GSR: variants seen among roughly 807,000 people sequenced by gnomAD.
GSR encodes glutathione reductase, mitochondrial.
GSR carries 48 observed loss-of-function variants against 56.5 expected under a neutral mutation model. The observed-to-expected ratio is 0.85, with a 90% CI of 0.67 to 1.08. The LOEUF (loss-of-function observed/expected upper bound fraction) is 1.08, where lower values mean the gene tolerates loss of function less well. Ranked by LOEUF, GSR falls within the 50% of genes least tolerant of loss-of-function variation. GSR has a pLI of 0.00. For synonymous variants in GSR, 264 were observed against 270.8 expected, an observed-to-expected ratio of 0.97 and a Z score of 0.25; for missense variants, 694 against 703.3, an observed-to-expected ratio of 0.99 and a Z score of 0.15.
intron 1 of GSR, chr8:30,726,759 C>T (rs965879181): frequency 6.6e-6 from 1 of 151,900 alleles, no homozygotes; most frequent in African/African-American, 2.4e-5. Context: ...GACCCTGTCT[C>T]AAAAAACAAA....
chr8:30,724,384 T>C (rs1804654666), intron 1 of GSR, among the ~76,000 whole-genome samples: 1 of 152,046 alleles, frequency 6.6e-6, no homozygotes. Flanking sequence ...TCCACATTTT[T>C]CAAACCACAA....
At chr8:30,716,147 G>C (rs529149485) in intron 1 of GSR, among the ~76,000 whole-genome samples, 1 of 152,274 alleles carries the variant, frequency 6.6e-6, no homozygotes, top group African/African-American at 2.4e-5. Flanking sequence ...CTGCTCTTGG[G>C]GACTGTATCA....
chr8:30,697,973 T>A (rs537614829), intron 6 of GSR, among the ~76,000 whole-genome samples: 191 of 152,300 alleles, frequency 1.3e-3, no homozygotes, highest in African/African-American at 4.4e-3. Flanking sequence ...ATTACAGGCA[T>A]AAGCCACTGT....
chr8:30,696,473 G>A lies in GSR; in HGVS notation c.702C>T (p.Ser234=), dbSNP rs140455984. ...FFQLEELPGR[S]VIVGAGYIAV... ...CAATGTAACCTGCACCAACAATGAC[G>A]CTGCGGCTGAGACGCGAGCAGAGGG... The change falls in exon 7 of 13, where the codon AGC becomes AGT. Residue 234 remains serine, a synonymous_variant. Transcript: ENST00000221130. The A allele has an allele frequency of 3.7e-5, 59 of 1,608,342 alleles. 1 individual carries two copies. In the East Asian group the frequency reaches 1.1e-3, roughly 31 times the overall value.
At chr8:30,713,782 T>C (rs554806381) in intron 1 of GSR, among the ~76,000 whole-genome samples, 12 of 152,372 alleles carry the variant, frequency 7.9e-5, no homozygotes, top group African/African-American at 2.9e-4. Context: ...ATATCCTGAT[T>C]GGCCCAGCAA....
rs565206092 is a variant in GSR, at chr8:30,717,940, A to G, written c.307-5852T>C. 8.6e-5 allele frequency among the ~76,000 whole-genome samples: 13 copies of G among 151,952 alleles called. No homozygotes were observed. The South Asian group carries it at 1.0e-3, about 12-fold the overall frequency. ...CATGGTGAAACCTCCGTCTCTAATA[A>G]AAATACAAAAATTAGCCAGGTGTGG... On this transcript the variant is annotated intron_variant, in intron 1 of 12. Coordinates refer to ENST00000221130, the MANE Select transcript of GSR (RefSeq NM_000637.5).
intron 5 of GSR, 101 bp from the exon 6 acceptor site, chr8:30,700,236 A>G (rs989448543): frequency 2.3e-6 from 2 of 870,118 alleles, no homozygotes; most frequent in East Asian, 2.4e-5. Context: ...CACAGCCAAC[A>G]TAGTCTCCGT....
At chr8:30,693,533 A>AT (rs143200548) in intron 7 of GSR, among the ~76,000 whole-genome samples, 2,866 of 146,834 alleles carry the variant, frequency 0.02, 37 homozygotes, top group African/African-American at 0.025. Flanking sequence ...TAGTTCTTTT[A>AT]TTTTTATTTT....
At chr8:30,711,063 T>TC (rs1804125684) in intron 2 of GSR, among the ~76,000 whole-genome samples, 1 of 152,058 alleles carries the variant, frequency 6.6e-6, no homozygotes, top group African/African-American at 2.4e-5. Context: ...AGGGAAAATG[T>TC]CCCAGAGAAG....
intron 9 of GSR, among the ~76,000 whole-genome samples, chr8:30,685,222 A>G (rs1423041877): frequency 6.6e-6 from 1 of 151,934 alleles, no homozygotes. Context: ...GGCCTCCCAG[A>G]GTGTTGGGAT....
At chr8:30,700,175 C>G in intron 5 of GSR, 40 bp from the exon 6 acceptor site, 3 of 1,375,148 alleles carry the variant, frequency 2.2e-6, no homozygotes, top group Non-Finnish European at 3.1e-6. Flanking sequence ...CAAGACTGCT[C>G]TTTCTCTTGC....
At position 30,678,198 on chromosome 8, in the gene GSR, G is replaced by T. The variant is rs1802810209; in HGVS notation, c.*1322C>A. The T allele has an allele frequency of 6.6e-6, 1 of 151,904 alleles. No individual in the cohort carries two copies. Among genetic ancestry groups the T allele is most frequent in the Admixed American group, 6.6e-5 (1 of 15,234 alleles). The allele number at this position is 151,904 out of a possible 1,614,324, so 9.4% of individuals were successfully genotyped here. A position where few individuals can be genotyped will look rare whatever the true frequency, so the allele number is the denominator to read the frequency against. On this transcript the variant is annotated 3_prime_UTR_variant, in exon 13 of 13. Transcript: ENST00000221130. ...ACACTTAGCAGAGGAAGGGACTTTT[G>T]ATGTATTTGAATCCACCTCCTTCTG...
intron 3 of GSR, 104 bp downstream of exon 3, chr8:30,709,710 T>G: frequency 1.4e-6 from 1 of 733,220 alleles, no homozygotes. Context: ...GTATTGTGAA[T>G]ATTTACCGCA....
At chr8:30,723,773 C>CAG (rs1211800819) in intron 1 of GSR, among the ~76,000 whole-genome samples, 5 of 110,830 alleles carry the variant, frequency 4.5e-5, no homozygotes, top group African/African-American at 1.6e-4. Flanking sequence ...GCCTGGGTGA[C>CAG]AGAGCAACAA....
intron 7 of GSR, among the ~76,000 whole-genome samples, chr8:30,694,727 C>T (rs1803490404): frequency 6.6e-6 from 1 of 151,904 alleles, no homozygotes; most frequent in Admixed American, 6.6e-5. Context: ...AGTTTGAGAC[C>T]AGCCTGGGCA....
At chr8:30,717,930 G>A (rs62505354) in intron 1 of GSR, among the ~76,000 whole-genome samples, 3 of 151,604 alleles carry the variant, frequency 2.0e-5, no homozygotes, top group South Asian at 2.1e-4. Context: ...TGAAACCTCC[G>A]TCTCTAATAA....
At chr8:30,708,243 T>C in intron 3 of GSR, 102 bp from the exon 4 acceptor site, 1 of 840,792 alleles carries the variant, frequency 1.2e-6, no homozygotes, top group Non-Finnish European at 2.1e-6. Flanking sequence ...AATCACTGAC[T>C]GTCAACAGCA....
chr8:30,727,285 T>A (rs1258336351), intron 1 of GSR, among the ~76,000 whole-genome samples: 1 of 152,078 alleles, frequency 6.6e-6, no homozygotes, highest in African/African-American at 2.4e-5. Context: ...GCCCCGGCCC[T>A]GGTCAATATC....
chr8:30,687,890 T>G (rs1803217459), intron 9 of GSR, among the ~76,000 whole-genome samples: 1 of 152,162 alleles, frequency 6.6e-6, no homozygotes, highest in Non-Finnish European at 1.5e-5. Flanking sequence ...AGGCAAGAAC[T>G]TTTTTCATTC....
Sources: allele counts gnomAD v4.1 joint callset (sites outside exome capture counted in the v4.1 genomes callset), GRCh38; gene constraint gnomAD v4.1.1; transcripts MANE v1.5; gene names NCBI Gene and HGNC (gene_info 2026-07-23, HGNC 2026-07-21).